Variants in STK3 observed in about 807,000 individuals in gnomAD.
STK3 encodes serine/threonine kinase 3.
STK3 carries 41 observed loss-of-function variants against 58.0 expected under a neutral mutation model. That is an observed-to-expected ratio of 0.71 (90% CI 0.55 to 0.92). The LOEUF (loss-of-function observed/expected upper bound fraction) is 0.92. STK3 is among the 40% of genes least tolerant of loss of function. The pLI, the probability that STK3 is intolerant of heterozygous loss-of-function variation, is 0.00. For missense variants in STK3, 479 were observed against 602.7 expected (o/e 0.79, Z 2.15); for synonymous variants, 170 against 191.0 (o/e 0.89, Z 0.91).
intron 3 of STK3, among the ~76,000 whole-genome samples, chr8:98,868,893 C>A (rs1837245468): frequency 6.6e-6 from 1 of 151,944 alleles, no homozygotes; most frequent in Non-Finnish European, 1.5e-5. Context: ...GGGAGGATAG[C>A]TTGAGCCTGG....
chr8:98,777,624 G>A (rs907577747), intron 1 of STK3, among the ~76,000 whole-genome samples: 1 of 152,220 alleles, frequency 6.6e-6, no homozygotes, highest in Non-Finnish European at 1.5e-5. Flanking sequence ...AACATGGTGT[G>A]ATGGGCTTAT....
At chr8:98,474,792 T>C (rs1161561620) in intron 10 of STK3, among the ~76,000 whole-genome samples, 1 of 152,202 alleles carries the variant, frequency 6.6e-6, no homozygotes, top group Non-Finnish European at 1.5e-5. Context: ...ATTTTGCATA[T>C]GTCTCTGTTA....
chr8:98,613,523 T>C (rs1003021194), intron 6 of STK3, among the ~76,000 whole-genome samples: 1 of 152,220 alleles, frequency 6.6e-6, no homozygotes, highest in Admixed American at 6.5e-5. Flanking sequence ...TGTGATAATT[T>C]ATGTACATAT....
In STK3 at chr8:98,455,843, C is replaced by G. The variant is rs1300464561; in HGVS notation, c.1475G>C (p.Ter492SerextTer2). ...TTAAAAACAGAGAGGAAATTAGACT[C>G]AAAAGTTTTGCTGCCTTCTTTTCTT... is the stretch of plus-strand genomic sequence containing the variant. ...DAKKRRQQNF* is the reference protein window; with the variant it reads ...DAKKRRQQNFS Residue 492 changes from the stop codon to serine, a stop_lost, in exon 11 of 11, where the codon TGA becomes TCA. Coordinates refer to ENST00000419617, the MANE Select transcript of STK3 (RefSeq NM_006281.4). The G allele has an allele frequency of 1.2e-6, 2 of 1,613,478 alleles. No homozygotes were observed. Among genetic ancestry groups the G allele is most frequent in the Non-Finnish European group, 1.7e-6 (2 of 1,179,714 alleles).
intron 1 of STK3, among the ~76,000 whole-genome samples, chr8:98,891,595 C>A (rs1005969825): frequency 1.3e-5 from 2 of 149,774 alleles, no homozygotes; most frequent in African/African-American, 4.9e-5. Context: ...CAGACTTTAT[C>A]TTTAAATAAA....
intron 4 of STK3, among the ~76,000 whole-genome samples, chr8:98,738,191 T>C (rs1332992509): frequency 2.0e-5 from 3 of 152,154 alleles, no homozygotes; most frequent in South Asian, 2.1e-4. Context: ...CTAAAACTTA[T>C]GTGAGGCCAG....
At chr8:98,424,596 C>G (rs1324093331) in intron 3 of STK3, among the ~76,000 whole-genome samples, 1 of 152,150 alleles carries the variant, frequency 6.6e-6, no homozygotes, top group Non-Finnish European at 1.5e-5. Flanking sequence ...AAACAGAAGG[C>G]AGAGGGCTCT....
Position 98,931,456 on chromosome 8 carries a change from G to A in STK3, c.-79+10922C>T, listed in dbSNP as rs534344578. On this transcript the variant is annotated intron_variant, in intron 1 of 1. Transcript: ENST00000519420. ...CCACTCCTACCCCGACCCGGCCTGC[G>A]CCAGCCTGATCCCTCATGCACATAA... Among the ~76,000 whole-genome samples the A allele has an allele frequency of 7.9e-5, 12 of 152,242 alleles. No individual in the cohort carries two copies. The South Asian group carries it at 2.5e-3, about 32-fold the overall frequency.
In STK3 at chr8:98,579,809, T is replaced by A. The variant is rs116743390; in HGVS notation, c.823-20A>T. 9.9e-4 allele frequency: 1,549 copies of A among 1,558,822 alleles called. 13 individuals carry two copies. In the African/African-American group the frequency reaches 0.02, roughly 20 times the overall value. Reference sequence around the variant, plus strand: ...AGGATGCTAAAAAAGTAAAATTCAATGGTATAAATTCAAAAGATTTTTCCG... The same window carrying A: ...AGGATGCTAAAAAAGTAAAATTCAAAGGTATAAATTCAAAAGATTTTTCCG... On this transcript the variant is annotated intron_variant, in intron 7 of 10. Transcript: ENST00000419617.
intron 1 of STK3, among the ~76,000 whole-genome samples, chr8:98,812,364 C>A (rs1834283407): frequency 6.6e-6 from 1 of 152,126 alleles, no homozygotes; most frequent in Admixed American, 6.5e-5. Context: ...GTTTGAATGG[C>A]AATCATTAAA....
chr8:98,891,626 T>TGA (rs56830700), intron 1 of STK3, among the ~76,000 whole-genome samples: 56,133 of 148,218 alleles, frequency 0.38, 10,546 homozygotes, highest in East Asian at 0.5. Context: ...TGTGTGTGTG[T>TGA]GAGAGAGAGA....
rs1490432716 is a variant in STK3, at chr8:98,606,588, G to A, written c.685-10419C>T. On this transcript the variant is annotated intron_variant, in intron 6 of 10. Coordinates refer to ENST00000419617, the MANE Select transcript of STK3 (RefSeq NM_006281.4). ...TATTTAGCTGCCTGACCTCTGGTGA[G>A]TGGATACTAAAGACTGAGCTCAAAC... 2.0e-5 allele frequency among the ~76,000 whole-genome samples: 3 copies of A among 152,244 alleles called. No individual in the cohort carries two copies. The East Asian group carries it at 5.8e-4, about 29-fold the overall frequency.
At chr8:98,831,532 T>C (rs1835535216) in intron 3 of STK3, among the ~76,000 whole-genome samples, 1 of 152,222 alleles carries the variant, frequency 6.6e-6, no homozygotes, top group African/African-American at 2.4e-5. Context: ...GCTGGGATTA[T>C]AGGTATGAGC....
chr8:98,542,647 C>T (rs1029662029), intron 9 of STK3, among the ~76,000 whole-genome samples: 71 of 152,318 alleles, frequency 4.7e-4, no homozygotes, highest in African/African-American at 1.7e-3. Flanking sequence ...GGAAGCAGGG[C>T]TGACAATGCC....
chr8:98,597,413 T>A (rs1018546945), intron 6 of STK3: 16 of 985,054 alleles, frequency 1.6e-5, no homozygotes, highest in Non-Finnish European at 1.9e-5. Flanking sequence ...CCTCACGTCA[T>A]GTTATACATA....
intron 6 of STK3, among the ~76,000 whole-genome samples, chr8:98,674,279 T>C (rs953987636): frequency 6.6e-6 from 1 of 152,218 alleles, no homozygotes; most frequent in African/African-American, 2.4e-5. Context: ...AAATTATAAA[T>C]ATTATATTGT....
At chr8:98,852,067 T>C (rs1836490642) in intron 3 of STK3, among the ~76,000 whole-genome samples, 1 of 150,898 alleles carries the variant, frequency 6.6e-6, no homozygotes, top group Non-Finnish European at 1.5e-5. Context: ...GAATGATGTA[T>C]AGCATTCAGC....
chr8:98,818,622 C>T (rs1027644058), intron 1 of STK3, among the ~76,000 whole-genome samples: 10 of 151,402 alleles, frequency 6.6e-5, no homozygotes, highest in South Asian at 4.2e-4. Flanking sequence ...CACCTCTATA[C>T]TAAGATGTCT....
At chr8:98,542,994 T>C (rs181600465) in intron 9 of STK3, among the ~76,000 whole-genome samples, 55 of 152,156 alleles carry the variant, frequency 3.6e-4, no homozygotes, top group Non-Finnish European at 2.5e-4. Context: ...CAGTGGGAAA[T>C]AAACAAAAGC....
Sources: gnomAD v4.1 joint callset for allele counts (sites outside exome capture counted in the v4.1 genomes callset) on GRCh38, gnomAD v4.1.1 for gene constraint, MANE v1.5 for transcripts, NCBI Gene and HGNC (gene_info 2026-07-23, HGNC 2026-07-21) for gene names.